The following FAM193A variants were observed in gnomAD, a reference collection of about 807,000 sequenced individuals.
FAM193A encodes family with sequence similarity 193 member A, also known as protein FAM193A.
In FAM193A, 22 loss-of-function variants were observed where a neutral mutation model predicts 126.5. That is an observed-to-expected ratio of 0.17 (90% CI 0.12 to 0.25). The LOEUF (loss-of-function observed/expected upper bound fraction) is 0.25, where lower values mean the gene tolerates loss of function less well. Among genes scored for constraint, FAM193A ranks in the 10% least tolerant of loss-of-function variants. The pLI, the probability that FAM193A is intolerant of heterozygous loss-of-function variation, is 1.00. For missense variants in FAM193A, 1,675 were observed against 1,672.8 expected, an observed-to-expected ratio of 1.00 and a Z score of -0.02; for synonymous variants, 761 against 646.8, an observed-to-expected ratio of 1.18 and a Z score of -2.68.
At chr4:2,632,055 T>G (rs182842472) in intron 5 of FAM193A, among the ~76,000 whole-genome samples, 137 of 149,196 alleles carry the variant, frequency 9.2e-4, no homozygotes, top group Middle Eastern at 6.8e-3. Context: ...GGCTGAGAAG[T>G]CTAAGTTTGA....
intron 6 of FAM193A, among the ~76,000 whole-genome samples, chr4:2,641,336 C>A (rs1744600958): frequency 6.6e-6 from 1 of 152,010 alleles, no homozygotes; most frequent in African/African-American, 2.4e-5. Flanking sequence ...CATGACCCAC[C>A]ATGCCCAATC....
intron 5 of FAM193A, 80 bp from the exon 6 acceptor site, chr4:2,639,655 G>C: frequency 9.4e-7 from 1 of 1,066,952 alleles, no homozygotes; most frequent in Non-Finnish European, 1.3e-6. Flanking sequence ...TGGGGAGGGG[G>C]GAGGGAATCC....
intron 20 of FAM193A, among the ~76,000 whole-genome samples, chr4:2,723,573 C>A (rs1195041256): frequency 1.5e-3 from 199 of 133,610 alleles, no homozygotes; most frequent in Admixed American, 2.0e-3. Flanking sequence ...GACTCCGTCT[C>A]AAAAAAAAAA....
chr4:2,710,270 G>T (rs1718795770), intron 19 of FAM193A, among the ~76,000 whole-genome samples: 1 of 148,664 alleles, frequency 6.7e-6, no homozygotes, highest in Non-Finnish European at 1.5e-5. Flanking sequence ...CACCTCCCGG[G>T]TTCAAGCTAT....
chr4:2,598,238 CAT>C (rs1360085166), intron 2 of FAM193A, among the ~76,000 whole-genome samples: 11 of 152,270 alleles, frequency 7.2e-5, no homozygotes, highest in Non-Finnish European at 1.5e-4. Flanking sequence ...CAGAGTGTCA[CAT>C]ATACTTCTGT....
chr4:2,622,777 A>G (rs1284517188), intron 2 of FAM193A, among the ~76,000 whole-genome samples: 1 of 152,130 alleles, frequency 6.6e-6, no homozygotes, highest in Non-Finnish European at 1.5e-5. Flanking sequence ...TCTTTATAAA[A>G]GGACACTAAT....
chr4:2,694,145 A>G (rs1386742992), intron 16 of FAM193A, among the ~76,000 whole-genome samples: 1 of 152,150 alleles, frequency 6.6e-6, no homozygotes, highest in African/African-American at 2.4e-5. Flanking sequence ...GGGGGTGTGC[A>G]TTGTTTTTTA....
At chr4:2,699,264 C>T (rs931710445) in intron 18 of FAM193A, among the ~76,000 whole-genome samples, 6 of 152,080 alleles carry the variant, frequency 3.9e-5, no homozygotes, top group East Asian at 1.9e-4. Flanking sequence ...CAGTACTGCC[C>T]GGGCAGTCTG....
intron 6 of FAM193A, among the ~76,000 whole-genome samples, chr4:2,644,808 A>G (rs1279611256): frequency 1.3e-5 from 2 of 152,174 alleles, no homozygotes; most frequent in Non-Finnish European, 2.9e-5. Flanking sequence ...AAAGATCCTA[A>G]TTTCCACATA....
intron 2 of FAM193A, among the ~76,000 whole-genome samples, chr4:2,601,534 T>C (rs34020437): frequency 0.031 from 4,789 of 152,042 alleles, 89 homozygotes; most frequent in South Asian, 0.072. Flanking sequence ...CATACCCGGC[T>C]ACTTTTTTAT....
At chr4:2,676,401 C>T (rs1714406737) in intron 13 of FAM193A, among the ~76,000 whole-genome samples, 1 of 152,152 alleles carries the variant, frequency 6.6e-6, no homozygotes, top group Non-Finnish European at 1.5e-5. Flanking sequence ...TTTTGATTTG[C>T]ATTTCCTTAG....
At chr4:2,619,542 ATT>A (rs1742415428) in intron 2 of FAM193A, among the ~76,000 whole-genome samples, 2 of 151,682 alleles carry the variant, frequency 1.3e-5, no homozygotes, top group African/African-American at 4.9e-5. Context: ...TAATTTTTGT[ATT>A]TTTAGTAGAG....
intron 19 of FAM193A, among the ~76,000 whole-genome samples, chr4:2,701,299 A>T (rs1717706450): frequency 6.6e-6 from 1 of 151,636 alleles, no homozygotes. Flanking sequence ...AAAAAAAAAA[A>T]AAGCTCTTGT....
At chr4:2,721,861 T>C (rs1329988371) in intron 20 of FAM193A, among the ~76,000 whole-genome samples, 1 of 152,238 alleles carries the variant, frequency 6.6e-6, no homozygotes, top group Non-Finnish European at 1.5e-5. Flanking sequence ...CAGCAGCATC[T>C]GTCTGTTCAC....
intron 2 of FAM193A, among the ~76,000 whole-genome samples, chr4:2,624,512 C>A (rs61790229): frequency 1.4e-4 from 22 of 152,268 alleles, no homozygotes; most frequent in Non-Finnish European, 2.2e-4. Flanking sequence ...TTCCCCAGGA[C>A]GGAGAGGCCT....
At chr4:2,624,054 C>A (rs537325246) in intron 2 of FAM193A, among the ~76,000 whole-genome samples, 14 of 152,052 alleles carry the variant, frequency 9.2e-5, no homozygotes, top group Non-Finnish European at 1.9e-4. Context: ...CTAGAAGGAG[C>A]CTTGGTGCCG....
chr4:2,686,342 C>T (rs1715738808), intron 13 of FAM193A, among the ~76,000 whole-genome samples: 1 of 152,182 alleles, frequency 6.6e-6, no homozygotes, highest in Non-Finnish European at 1.5e-5. Context: ...CACTGTTCAG[C>T]AAACACTTAT....
At chr4:2,558,273 G>GAA (rs527575996) in intron 1 of FAM193A, among the ~76,000 whole-genome samples, 1 of 103,234 alleles carries the variant, frequency 9.7e-6, no homozygotes. Flanking sequence ...CATCTCAAAT[G>GAA]AAAAAAAAAA....
intron 19 of FAM193A, among the ~76,000 whole-genome samples, chr4:2,711,161 T>G (rs1718925993): frequency 1.3e-5 from 2 of 151,792 alleles, no homozygotes; most frequent in Non-Finnish European, 2.9e-5. Flanking sequence ...CACTGTGCTT[T>G]CTTTTGTTTT....
Sources: allele counts gnomAD v4.1 joint callset (sites outside exome capture counted in the v4.1 genomes callset), GRCh38; gene constraint gnomAD v4.1.1; transcripts MANE v1.5; gene names NCBI Gene and HGNC (gene_info 2026-07-23, HGNC 2026-07-21).